THSD4: variants seen among roughly 807,000 people sequenced by gnomAD.
The protein encoded by THSD4 is thrombospondin type 1 domain containing 4, also known as thrombospondin type-1 domain-containing protein 4.
In THSD4, 69 loss-of-function variants were observed where a neutral mutation model predicts 119.0. The observed-to-expected ratio is 0.58, with a 90% confidence interval of 0.48 to 0.71. The LOEUF (loss-of-function observed/expected upper bound fraction) is 0.71. Ranked by LOEUF, THSD4 falls within the 30% of genes least tolerant of loss-of-function variation. THSD4 has a pLI of 0.00. For missense variants in THSD4, 1,393 were observed against 1,391.1 expected, an observed-to-expected ratio of 1.00 and a Z score of -0.02; for synonymous variants, 524 against 540.4, an observed-to-expected ratio of 0.97 and a Z score of 0.42.
At chr15:71,383,527 T>C (rs914179375) in intron 6 of THSD4, among the ~76,000 whole-genome samples, 2 of 152,210 alleles carry the variant, frequency 1.3e-5, no homozygotes, top group African/African-American at 4.8e-5. Flanking sequence ...CTTTTCCATT[T>C]TGAGAGTTTC....
chr15:71,567,633 T>A (rs554797225), intron 7 of THSD4, among the ~76,000 whole-genome samples: 1 of 146,682 alleles, frequency 6.8e-6, no homozygotes, highest in South Asian at 2.2e-4. Flanking sequence ...TGAAAGAGAG[T>A]CACAGTGTTT....
intron 7 of THSD4, among the ~76,000 whole-genome samples, chr15:71,435,241 G>T (rs2046997235): frequency 6.6e-6 from 1 of 152,124 alleles, no homozygotes; most frequent in Non-Finnish European, 1.5e-5. Context: ...CCCAGACAGA[G>T]CAGAGAAAGT....
At chr15:71,684,208 G>T (rs1337464957) in intron 8 of THSD4, among the ~76,000 whole-genome samples, 1 of 151,898 alleles carries the variant, frequency 6.6e-6, no homozygotes, top group East Asian at 1.9e-4. Flanking sequence ...AAAGTTATGG[G>T]TTTTTTTATA....
At chr15:71,519,608 C>CTTG (rs2048410584) in intron 7 of THSD4, among the ~76,000 whole-genome samples, 1 of 152,178 alleles carries the variant, frequency 6.6e-6, no homozygotes, top group African/African-American at 2.4e-5. Flanking sequence ...GTGATCCAAC[C>CTTG]GCCTTGGCCT....
intron 15 of THSD4, among the ~76,000 whole-genome samples, chr15:71,763,570 A>G (rs999224233): frequency 1.8e-5 from 2 of 110,888 alleles, no homozygotes; most frequent in Admixed American, 1.7e-4. Context: ...TTTTTTTTAA[A>G]CAGAGTCTTG....
intron 7 of THSD4, among the ~76,000 whole-genome samples, chr15:71,460,698 C>T (rs2140613032): frequency 6.6e-6 from 1 of 152,244 alleles, no homozygotes. Context: ...TGCCTTGGGA[C>T]AATTATGAAC....
At chr15:71,574,832 AT>A (rs1235160099) in intron 7 of THSD4, among the ~76,000 whole-genome samples, 1 of 152,150 alleles carries the variant, frequency 6.6e-6, no homozygotes, top group Non-Finnish European at 1.5e-5. Context: ...AGGTATAGCC[AT>A]TTTTGTAATC....
rs2140267918 is a variant in THSD4, at chr15:71,780,532, A to G, written c.*3158A>G. ...AATACAACTAAAAAAACAAACAAAA[A>G]CACCAAAAGAAAAAAAAAAGCCATT... On this transcript the variant is annotated 3_prime_UTR_variant, in exon 18 of 18. Transcript: ENST00000261862. 1 of 316,712 alleles carries G rather than the reference A, an allele frequency of 3.2e-6. No homozygotes were observed. The highest frequency in any genetic ancestry group is 2.1e-5 in the African/African-American group (1 of 46,534). The allele number at this position is 316,712 out of a possible 1,614,324, so 19.6% of individuals were successfully genotyped here.
rs187284865 is a variant in THSD4, at chr15:71,684,209, T to G, written c.1357+23475T>G. The stretch of plus-strand genomic sequence containing the variant: ...TATCAATATACAGAAAAGTTATGGG[T>G]TTTTTTATATTTACCTCTATCTGGT... On this transcript the variant is annotated intron_variant, in intron 8 of 17. Transcript: ENST00000261862. 1.7e-3 allele frequency among the ~76,000 whole-genome samples: 260 copies of G among 152,250 alleles called. 1 individual carries two copies. Among genetic ancestry groups the G allele is most frequent in the South Asian group, 6.2e-3 (30 of 4,820 alleles).
At chr15:71,663,472 T>C (rs2051353774) in intron 8 of THSD4, among the ~76,000 whole-genome samples, 1 of 152,208 alleles carries the variant, frequency 6.6e-6, no homozygotes, top group East Asian at 1.9e-4. Flanking sequence ...TCTAGAGCAC[T>C]TACGTCACCT....
At chr15:71,217,652 C>T (rs529966952) in intron 4 of THSD4, among the ~76,000 whole-genome samples, 8 of 151,822 alleles carry the variant, frequency 5.3e-5, no homozygotes, top group African/African-American at 1.9e-4. Context: ...GGTTTGTTGG[C>T]CAATGAGTTT....
At chr15:71,676,797 C>T (rs932391148) in intron 8 of THSD4, among the ~76,000 whole-genome samples, 1 of 152,102 alleles carries the variant, frequency 6.6e-6, no homozygotes, top group African/African-American at 2.4e-5. Flanking sequence ...TAATATGCAC[C>T]AGAATTTCAT....
rs139055551 is a variant in THSD4 at position 71,593,780 on chromosome 15, T to G, written c.1153-66750T>G. 7.1e-3 allele frequency among the ~76,000 whole-genome samples: 1,086 copies of G among 152,202 alleles called. 16 individuals carry two copies. The highest frequency in any genetic ancestry group is 0.023 in the African/African-American group (948 of 41,510). On this transcript the variant is annotated intron_variant, in intron 7 of 17. Coordinates refer to ENST00000261862, the MANE Select transcript of THSD4 (RefSeq NM_024817.3). ...TTAGCCAGGCATGGTGGCATGTGCCTGTAGTCCCAGCTACTTGGGAGGCTG... is the reference window on the plus strand; with the variant it reads ...TTAGCCAGGCATGGTGGCATGTGCCGGTAGTCCCAGCTACTTGGGAGGCTG...
At chr15:71,339,963 T>A (rs1178049872) in intron 6 of THSD4, among the ~76,000 whole-genome samples, 1 of 152,010 alleles carries the variant, frequency 6.6e-6, no homozygotes, top group Non-Finnish European at 1.5e-5. Flanking sequence ...CAGGCTTTCG[T>A]CATGTTGTCC....
rs754604397 is a variant in THSD4 at position 71,243,097 on chromosome 15, G to A, written c.912+1G>A. ...GCAGTACAAGCTGTGCAACACCAAC[G>A]TGAGTACACACAACCCATACCGGGC... On this transcript the variant is annotated splice_donor_variant, in intron 5 of 17. Transcript: ENST00000261862. LOFTEE classifies it high-confidence loss of function. 4.3e-6 allele frequency: 7 copies of A among 1,609,466 alleles called. No individual in the cohort carries two copies. In the East Asian group the frequency reaches 6.7e-5, roughly 15 times the overall value.
chr15:71,180,709 G>A (rs1201585162), intron 3 of THSD4, among the ~76,000 whole-genome samples: 1 of 152,146 alleles, frequency 6.6e-6, no homozygotes, highest in Non-Finnish European at 1.5e-5. Context: ...TTTAGTTCAA[G>A]TATAGACAAA....
chr15:71,154,139 CTAACGTGGAAATGT>C (rs1443213050), intron 2 of THSD4, among the ~76,000 whole-genome samples: 1 of 152,154 alleles, frequency 6.6e-6, no homozygotes. Flanking sequence ...CATGGAAATG[CTAACGTGGAAATGT>C]GACCCAGGAT....
At chr15:71,377,889 C>CACACACACACACACACACACACACACAA (rs1566961423) in intron 6 of THSD4, among the ~76,000 whole-genome samples, 5 of 84,080 alleles carry the variant, frequency 5.9e-5, no homozygotes, top group South Asian at 7.8e-4. Context: ...CACACACACA[C>CACACACACACACACACACACACACACAA]ACACACACAC....
At chr15:71,728,320 A>G (rs143529768) in intron 8 of THSD4, among the ~76,000 whole-genome samples, 22 of 151,874 alleles carry the variant, frequency 1.4e-4, no homozygotes, top group African/African-American at 4.8e-4. Context: ...ACATTTCTAT[A>G]CTAAGTCCAA....
Sources: allele counts gnomAD v4.1 joint callset (sites outside exome capture counted in the v4.1 genomes callset), GRCh38; gene constraint gnomAD v4.1.1; transcripts MANE v1.5; gene names NCBI Gene and HGNC (gene_info 2026-07-23, HGNC 2026-07-21).